The following EPHA3 variants were observed in gnomAD, a reference collection of about 807,000 sequenced individuals.
EPHA3 encodes EPH receptor A3, also known as ephrin type-A receptor 3.
Under a neutral mutation model 107.1 loss-of-function variants are expected in EPHA3, and 42 were observed. That is an observed-to-expected ratio of 0.39 (90% confidence interval 0.31 to 0.51). The LOEUF (loss-of-function observed/expected upper bound fraction) is 0.51. Among genes scored for constraint, EPHA3 ranks in the 20% least tolerant of loss-of-function variants. The pLI is 0.78. For synonymous variants in EPHA3, 461 were observed against 424.8 expected (o/e 1.09, Z -1.05); for missense variants, 1,183 against 1,211.2 (o/e 0.98, Z 0.35).
intron 13 of EPHA3, among the ~76,000 whole-genome samples, chr3:89,440,185 T>G (rs1709756059): frequency 6.6e-6 from 1 of 152,218 alleles, no homozygotes; most frequent in African/African-American, 2.4e-5. Context: ...GAATGAATTT[T>G]AGTCCTTGAC....
intron 5 of EPHA3, among the ~76,000 whole-genome samples, chr3:89,381,671 A>G (rs1708512374): frequency 6.6e-6 from 1 of 151,964 alleles, no homozygotes; most frequent in African/African-American, 2.4e-5. Flanking sequence ...TTTGTCTCAA[A>G]AAGAAAAAAA....
At position 89,455,520 on chromosome 3, in the gene EPHA3, G is replaced by C. The variant is rs1450809469; in HGVS notation, c.2690+5150G>C. Among the ~76,000 whole-genome samples, 4 of 152,274 alleles carry C rather than the reference G, an allele frequency of 2.6e-5. No homozygotes were observed. In the East Asian group the frequency reaches 7.7e-4, roughly 29 times the overall value. Reference sequence around the variant, plus strand: ...TTTGAAATATTTTTCAAATGCATGAGGAATTCATTAGGCATCTGAACCAGA... The same window carrying C: ...TTTGAAATATTTTTCAAATGCATGACGAATTCATTAGGCATCTGAACCAGA... On this transcript the variant is annotated intron_variant, in intron 15 of 16. Transcript: ENST00000336596.
intron 11 of EPHA3, among the ~76,000 whole-genome samples, chr3:89,423,980 T>C (rs759848052): frequency 3.3e-5 from 5 of 151,454 alleles, no homozygotes; most frequent in Non-Finnish European, 5.9e-5. Flanking sequence ...AGCACTAGTT[T>C]AGTAGCTGTC....
At chr3:89,122,169 G>A (rs1053493017) in intron 1 of EPHA3, among the ~76,000 whole-genome samples, 1 of 152,160 alleles carries the variant, frequency 6.6e-6, no homozygotes, top group South Asian at 2.1e-4. Context: ...TATTATAACA[G>A]AAAGTGGTGA....
chr3:89,161,979 A>AAAT (rs34967372), intron 2 of EPHA3, among the ~76,000 whole-genome samples: 18,399 of 149,136 alleles, frequency 0.12, 1,197 homozygotes, highest in Middle Eastern at 0.18. Flanking sequence ...CTCTGTCTCA[A>AAAT]AATAATAATA....
rs1232272270 is a variant in EPHA3, at chr3:89,260,339, C to T, written c.814+49819C>T. 3.9e-5 allele frequency among the ~76,000 whole-genome samples: 6 copies of T among 152,246 alleles called. No individual in the cohort carries two copies. In the East Asian group the frequency reaches 9.7e-4, roughly 25 times the overall value. On this transcript the variant is annotated intron_variant, in intron 3 of 16. Transcript: ENST00000336596. Reference sequence around the variant, plus strand: ...TCTCTTTTCTCCCCACCCTAGCCAACATTTATTATCTCTTGTTTTTTTGAT... The same window carrying T: ...TCTCTTTTCTCCCCACCCTAGCCAATATTTATTATCTCTTGTTTTTTTGAT...
At chr3:89,315,277 T>G (rs1416132095) in intron 3 of EPHA3, among the ~76,000 whole-genome samples, 1 of 151,818 alleles carries the variant, frequency 6.6e-6, no homozygotes. Context: ...ATATAATATC[T>G]TATAATGACA....
intron 2 of EPHA3, among the ~76,000 whole-genome samples, chr3:89,128,350 T>C (rs1482229997): frequency 1.3e-5 from 2 of 152,068 alleles, no homozygotes; most frequent in Non-Finnish European, 2.9e-5. Flanking sequence ...CATTAGTTAC[T>C]TTAGAGGAGA....
chr3:89,383,639 C>CTTTTT lies in EPHA3; in HGVS notation c.1307-12175_1307-12171dup, dbSNP rs71621546. ...CAGTGTGGTCAGCCTACTTCTTCTT[C>CTTTTT]TTTTTTTTTTTTTTTTTTTTTTTTT... On this transcript the variant is annotated intron_variant, in intron 5 of 16. Coordinates refer to ENST00000336596, the MANE Select transcript of EPHA3 (RefSeq NM_005233.6). 8.8e-4 allele frequency among the ~76,000 whole-genome samples: 77 copies of CTTTTT among 87,964 alleles called. 1 individual carries two copies. Among genetic ancestry groups the CTTTTT allele is most frequent in the Non-Finnish European group, 1.0e-3 (44 of 43,182 alleles). The allele number at this position is 87,964 out of a possible 152,430, so 57.7% of individuals were successfully genotyped here.
At chr3:89,115,628 A>C (rs913466347) in intron 1 of EPHA3, among the ~76,000 whole-genome samples, 8 of 152,204 alleles carry the variant, frequency 5.3e-5, no homozygotes, top group African/African-American at 1.9e-4. Context: ...TGAGAAAATA[A>C]TTGCTCAGTG....
At chr3:89,238,681 A>G (rs1376570938) in intron 3 of EPHA3, among the ~76,000 whole-genome samples, 3 of 152,218 alleles carry the variant, frequency 2.0e-5, no homozygotes, top group Non-Finnish European at 4.4e-5. Flanking sequence ...GCCCAGGAAA[A>G]TATGTTAAAT....
chr3:89,149,087 T>G (rs1266190901), intron 2 of EPHA3, among the ~76,000 whole-genome samples: 1 of 151,990 alleles, frequency 6.6e-6, no homozygotes, highest in African/African-American at 2.4e-5. Flanking sequence ...GCATGGTTTT[T>G]CCATTGAAAC....
chr3:89,154,333 A>C (rs1286974109), intron 2 of EPHA3, among the ~76,000 whole-genome samples: 1 of 151,334 alleles, frequency 6.6e-6, no homozygotes, highest in Non-Finnish European at 1.5e-5. Flanking sequence ...AGCACTCAAT[A>C]GATATCTGTT....
chr3:89,302,543 G>T (rs1706515814), intron 3 of EPHA3, among the ~76,000 whole-genome samples: 1 of 152,000 alleles, frequency 6.6e-6, no homozygotes, highest in South Asian at 2.1e-4. Context: ...TACAGTCAGG[G>T]GCAAAGTGGT....
At chr3:89,213,398 T>C (rs1489659350) in intron 3 of EPHA3, among the ~76,000 whole-genome samples, 1 of 152,018 alleles carries the variant, frequency 6.6e-6, no homozygotes, top group Non-Finnish European at 1.5e-5. Context: ...ATAGAGGTCC[T>C]GAAGAGAATA....
At chr3:89,261,515 G>A (rs970355767) in intron 3 of EPHA3, among the ~76,000 whole-genome samples, 2 of 151,934 alleles carry the variant, frequency 1.3e-5, no homozygotes, top group African/African-American at 4.8e-5. Context: ...TTTTCCAATG[G>A]CATGCATGCT....
intron 3 of EPHA3, among the ~76,000 whole-genome samples, chr3:89,309,371 T>G (rs745872654): frequency 6.6e-6 from 1 of 152,144 alleles, no homozygotes; most frequent in Non-Finnish European, 1.5e-5. Flanking sequence ...TTGAGCCTAT[T>G]TAGAAACCTC....
chr3:89,162,163 G>A (rs548920118), intron 2 of EPHA3, among the ~76,000 whole-genome samples: 19 of 152,070 alleles, frequency 1.2e-4, no homozygotes, highest in African/African-American at 1.9e-4. Flanking sequence ...AGGCTGAAAA[G>A]GGGTATTACT....
chr3:89,126,231 T>C (rs1022895358), intron 1 of EPHA3, among the ~76,000 whole-genome samples: 2 of 151,774 alleles, frequency 1.3e-5, no homozygotes, highest in African/African-American at 4.8e-5. Flanking sequence ...TAACCTTCCT[T>C]CACATCCTCC....
Sources: gnomAD v4.1 joint callset for allele counts (sites outside exome capture counted in the v4.1 genomes callset) on GRCh38, gnomAD v4.1.1 for gene constraint, MANE v1.5 for transcripts, NCBI Gene and HGNC (gene_info 2026-07-23, HGNC 2026-07-21) for gene names.